Variants in ATP8A2 observed in about 807,000 individuals in gnomAD.
ATP8A2 encodes ATPase phospholipid transporting 8A2, also known as phospholipid-transporting ATPase IB.
In ATP8A2, 100 loss-of-function variants were observed where a neutral mutation model predicts 165.6. The observed-to-expected ratio is 0.60, with a 90% CI of 0.51 to 0.71. The LOEUF (loss-of-function observed/expected upper bound fraction) is 0.71. ATP8A2 is among the 30% of genes least tolerant of loss of function. ATP8A2 has a pLI of 0.00. For missense variants in ATP8A2, 1,227 were observed against 1,479.5 expected (o/e 0.83, Z 2.80); for synonymous variants, 543 against 548.8 (o/e 0.99, Z 0.15).
chr13:25,753,653 C>G (rs2044201630), intron 25 of ATP8A2, among the ~76,000 whole-genome samples: 1 of 152,284 alleles, frequency 6.6e-6, no homozygotes, highest in Middle Eastern at 3.4e-3. Flanking sequence ...CTTCTTAGCT[C>G]AATGATGTCC....
chr13:25,713,821 C>T (rs2137992909), intron 25 of ATP8A2, among the ~76,000 whole-genome samples: 1 of 148,834 alleles, frequency 6.7e-6, no homozygotes, highest in African/African-American at 2.4e-5. Flanking sequence ...TAGCTAGCAG[C>T]TACCGTGGTG....
Position 25,731,276 on chromosome 13 carries a change from AAAAG to A in ATP8A2, c.2384+31941_2384+31944del, listed in dbSNP as rs200492904. Among the ~76,000 whole-genome samples, 223 of 148,240 alleles carry A rather than the reference AAAAG, an allele frequency of 1.5e-3. 1 individual carries two copies. The highest frequency in any genetic ancestry group is 5.1e-3 in the African/African-American group (197 of 38,784). On this transcript the variant is annotated intron_variant, in intron 25 of 36. Transcript: ENST00000381655. Reference sequence around the variant, plus strand: ...AGGAAGGAAGGAAGCGGGAGGAAGAAAAAGAAAGAAAGAGAGAGAGAAAGAAAGA... The same window carrying A: ...AGGAAGGAAGGAAGCGGGAGGAAGAAAAAGAAAGAGAGAGAGAAAGAAAGA...
At chr13:25,690,057 A>G (rs2042689840) in intron 24 of ATP8A2, among the ~76,000 whole-genome samples, 1 of 151,868 alleles carries the variant, frequency 6.6e-6, no homozygotes, top group Non-Finnish European at 1.5e-5. Context: ...AGTTTGGGGG[A>G]AAAATAAATT....
chr13:25,539,322 A>G (rs1267667974), intron 7 of ATP8A2, among the ~76,000 whole-genome samples: 1 of 152,030 alleles, frequency 6.6e-6, no homozygotes, highest in East Asian at 1.9e-4. Flanking sequence ...ATGTTGCCCA[A>G]GCTTGTTCTG....
In ATP8A2 at chr13:25,728,131, G is replaced by GT. The variant is rs564006538; in HGVS notation, c.2384+28791dup. ...TCAGATTTTGTTAAAGCAAAAACCG[G>GT]TTTTTATAGTCTTTATAAAATGTAA... is the stretch of plus-strand genomic sequence containing the variant. On this transcript the variant is annotated intron_variant, in intron 25 of 36. Transcript: ENST00000381655. Among the ~76,000 whole-genome samples the GT allele has an allele frequency of 3.9e-4, 60 of 152,246 alleles. 1 individual carries two copies. Among genetic ancestry groups the GT allele is most frequent in the African/African-American group, 1.4e-3 (57 of 41,540 alleles).
chr13:25,472,147 A>T (rs2035861755), intron 2 of ATP8A2, among the ~76,000 whole-genome samples: 1 of 152,204 alleles, frequency 6.6e-6, no homozygotes, highest in Non-Finnish European at 1.5e-5. Flanking sequence ...TAATCCCAGC[A>T]CTTTGGGAGG....
At chr13:25,446,402 C>T (rs1477900580) in intron 1 of ATP8A2, among the ~76,000 whole-genome samples, 2 of 152,130 alleles carry the variant, frequency 1.3e-5, no homozygotes, top group African/African-American at 4.8e-5. Context: ...TGCTGCCTGC[C>T]CCTCCCTCAC....
At chr13:25,729,592 C>T (rs2043571445) in intron 25 of ATP8A2, among the ~76,000 whole-genome samples, 1 of 152,126 alleles carries the variant, frequency 6.6e-6, no homozygotes, top group South Asian at 2.1e-4. Context: ...ACACGTGTGT[C>T]TTTTTCCTGG....
At chr13:25,650,918 A>G (rs1401728940) in intron 24 of ATP8A2, among the ~76,000 whole-genome samples, 3 of 152,138 alleles carry the variant, frequency 2.0e-5, no homozygotes, top group Admixed American at 1.3e-4. Flanking sequence ...TTTTATATCC[A>G]TATTTGAATG....
intron 2 of ATP8A2, among the ~76,000 whole-genome samples, chr13:25,492,834 G>A (rs2036567710): frequency 6.6e-6 from 1 of 152,188 alleles, no homozygotes; most frequent in Non-Finnish European, 1.5e-5. Context: ...GTCTGAGGCA[G>A]GTGGGGCCCA....
At chr13:25,655,664 T>G (rs1382030307) in intron 24 of ATP8A2, among the ~76,000 whole-genome samples, 1 of 151,866 alleles carries the variant, frequency 6.6e-6, no homozygotes, top group African/African-American at 2.4e-5. Context: ...TCTCACAGAT[T>G]CCTTACTGAC....
chr13:25,784,715 G>A (rs1053758333), intron 27 of ATP8A2, among the ~76,000 whole-genome samples: 1 of 152,074 alleles, frequency 6.6e-6, no homozygotes, highest in African/African-American at 2.4e-5. Context: ...CTTTCCCGGT[G>A]TAATTTTCAT....
intron 25 of ATP8A2, among the ~76,000 whole-genome samples, chr13:25,710,419 C>T (rs537657548): frequency 4.1e-4 from 63 of 152,326 alleles, no homozygotes; most frequent in African/African-American, 1.4e-3. Context: ...CTGTATCTCC[C>T]ATCCTCACCA....
Position 25,953,655 on chromosome 13 carries a change from G to C in ATP8A2, c.3184-7920G>C, listed in dbSNP as rs1032963739. On this transcript the variant is annotated intron_variant, in intron 33 of 36. Transcript: ENST00000381655. The surrounding 1 kb of genome is among the most constrained non-coding windows in gnomAD (Gnocchi z 6.7). The stretch of plus-strand genomic sequence containing the variant: ...TCTGCATTTCCAGCTGAGGAACCTG[G>C]TTCATCTCACTGGGACTGGTTAGAT... Among the ~76,000 whole-genome samples the C allele has an allele frequency of 1.3e-5, 2 of 151,986 alleles. No homozygotes were observed. The highest frequency in any genetic ancestry group is 4.8e-5 in the African/African-American group (2 of 41,380).
intron 2 of ATP8A2, among the ~76,000 whole-genome samples, chr13:25,487,372 A>G (rs2036385304): frequency 6.6e-6 from 1 of 152,168 alleles, no homozygotes; most frequent in Non-Finnish European, 1.5e-5. Context: ...CGTCTGGGGC[A>G]GGCTCTGATT....
intron 10 of ATP8A2, among the ~76,000 whole-genome samples, chr13:25,544,365 G>T (rs1022999788): frequency 2.0e-5 from 3 of 152,220 alleles, no homozygotes; most frequent in Admixed American, 1.3e-4. Context: ...TTTAGATATC[G>T]AGCTAGGGAA....
chr13:25,758,708 C>T (rs1431272385), intron 25 of ATP8A2, among the ~76,000 whole-genome samples: 1 of 152,168 alleles, frequency 6.6e-6, no homozygotes, highest in Non-Finnish European at 1.5e-5. Context: ...CTGCCATTCA[C>T]CAGGACATTA....
intron 34 of ATP8A2, among the ~76,000 whole-genome samples, chr13:25,967,013 C>T (rs981740950): frequency 3.3e-5 from 5 of 152,128 alleles, no homozygotes; most frequent in Non-Finnish European, 5.9e-5. Context: ...CCCATGCAAG[C>T]CCATGGCTCA....
At chr13:25,428,057 G>A (rs74413845) in intron 1 of ATP8A2, among the ~76,000 whole-genome samples, 10 of 151,966 alleles carry the variant, frequency 6.6e-5, no homozygotes, top group African/African-American at 1.9e-4. Context: ...GGTGATGTGC[G>A]CCTGTAGTCC....
Sources: gnomAD v4.1 joint callset for allele counts (sites outside exome capture counted in the v4.1 genomes callset) on GRCh38, gnomAD v4.1.1 for gene constraint, Gnocchi (gnomAD v3.1) non-coding constraint, MANE v1.5 for transcripts, NCBI Gene and HGNC (gene_info 2026-07-23, HGNC 2026-07-21) for gene names.